Variants in FBXL20 observed in about 807,000 individuals in gnomAD.
The protein encoded by FBXL20 is F-box/LRR-repeat protein 20.
Under a neutral mutation model 64.0 loss-of-function variants are expected in FBXL20, and 11 were observed. The ratio of observed to expected loss-of-function variants is 0.17; its 90% confidence interval spans 0.11 to 0.28. The LOEUF (loss-of-function observed/expected upper bound fraction) is 0.28. Among genes scored for constraint, FBXL20 ranks in the 10% least tolerant of loss-of-function variants. FBXL20 has a pLI of 1.00. For synonymous variants in FBXL20, 184 were observed against 189.0 expected, an observed-to-expected ratio of 0.97 and a Z score of 0.22; for missense variants, 303 against 526.2, an observed-to-expected ratio of 0.58 and a Z score of 4.15.
In FBXL20 at chr17:39,281,512, A is replaced by G. The variant is rs201418919; in HGVS notation, c.622-49T>C. 27 of 1,488,914 alleles carry G rather than the reference A, an allele frequency of 1.8e-5. No homozygotes were observed. In the East Asian group the frequency reaches 5.7e-4, roughly 32 times the overall value. 92.2% of individuals were successfully genotyped at this position (1,488,914 alleles called of 1,614,324 possible). A position where few individuals can be genotyped will look rare whatever the true frequency, so the allele number is the denominator to read the frequency against. On this transcript the variant is annotated intron_variant, in intron 8 of 14. Transcript: ENST00000264658. ...AAAAATGATTATTGACATTGTCTCAAAGGAAAGAGATTTAAGAATGTACAC... is the reference window on the plus strand; with the variant it reads ...AAAAATGATTATTGACATTGTCTCAGAGGAAAGAGATTTAAGAATGTACAC...
At chr17:39,316,613 A>G (rs1421065383) in intron 2 of FBXL20, among the ~76,000 whole-genome samples, 2 of 152,354 alleles carry the variant, frequency 1.3e-5, no homozygotes, top group South Asian at 4.1e-4. Context: ...AACAAACGAG[A>G]GCAATGAATT....
rs375542830 is a variant in FBXL20 at position 39,301,415 on chromosome 17, A to T, written c.160-340T>A. 4.6e-5 allele frequency among the ~76,000 whole-genome samples: 7 copies of T among 152,060 alleles called. No individual in the cohort carries two copies. The South Asian group carries it at 8.3e-4, about 18-fold the overall frequency. On this transcript the variant is annotated intron_variant, in intron 3 of 14. Coordinates refer to ENST00000264658, the MANE Select transcript of FBXL20 (RefSeq NM_032875.3). ...AGACCAGCCTGGGCAATATAGCCAG[A>T]CCCGATCCCTATAAAAAAATTTAAA...
chr17:39,267,124 C>T (rs112239553), intron 12 of FBXL20, among the ~76,000 whole-genome samples: 15,589 of 151,912 alleles, frequency 0.1, 859 homozygotes, highest in African/African-American at 0.15. Context: ...TGGTGGCAGG[C>T]GCCTATAATC....
chr17:39,401,720 G>T, upstream of FBXL20: 1 of 1,120,784 alleles, frequency 8.9e-7, no homozygotes, highest in South Asian at 3.3e-5. Flanking sequence ...CGGAGCGCCC[G>T]GGAGGGGGAG....
At chr17:39,326,943 G>C (rs554374007) in intron 2 of FBXL20, among the ~76,000 whole-genome samples, 3 of 150,542 alleles carry the variant, frequency 2.0e-5, no homozygotes, top group Admixed American at 6.6e-5. Flanking sequence ...GTGCAGTGGA[G>C]CATCTTGGCT....
Position 39,388,986 on chromosome 17 carries a change from C to T in FBXL20, c.42+12375G>A, listed in dbSNP as rs148708520. Among the ~76,000 whole-genome samples the T allele has an allele frequency of 2.8e-4, 42 of 150,136 alleles. 1 individual carries two copies. In the East Asian group the frequency reaches 8.4e-3, roughly 30 times the overall value. On this transcript the variant is annotated intron_variant, in intron 1 of 14. Transcript: ENST00000264658. ...GGGCATGGTGGCAGGCGCCTATAAT[C>T]CCAGCTACTAGGGAGGCTGAGGCAG... is the stretch of plus-strand genomic sequence containing the variant.
chr17:39,393,967 T>C (rs552148267), intron 1 of FBXL20, among the ~76,000 whole-genome samples: 3 of 152,222 alleles, frequency 2.0e-5, no homozygotes, highest in Non-Finnish European at 2.9e-5. Context: ...AAAAATGTTT[T>C]ATATATCTAA....
At chr17:39,326,655 T>C (rs2047412178) in intron 2 of FBXL20, among the ~76,000 whole-genome samples, 1 of 151,518 alleles carries the variant, frequency 6.6e-6, no homozygotes, top group Non-Finnish European at 1.5e-5. Flanking sequence ...TCTTGCTCTG[T>C]CACCCAGGCT....
intron 1 of FBXL20, among the ~76,000 whole-genome samples, chr17:39,361,729 G>A (rs1423055789): frequency 3.3e-5 from 5 of 151,698 alleles, no homozygotes; most frequent in South Asian, 2.1e-4. Context: ...CCTGGGAGGC[G>A]GAGTTTGCAG....
At chr17:39,385,818 T>C (rs1305688388) in intron 1 of FBXL20, among the ~76,000 whole-genome samples, 2 of 149,348 alleles carry the variant, frequency 1.3e-5, no homozygotes, top group Non-Finnish European at 3.0e-5. Context: ...GATCATGAGC[T>C]CAAGAGATCG....
At chr17:39,270,142 CT>C (rs2046830716) in intron 11 of FBXL20, among the ~76,000 whole-genome samples, 2 of 152,166 alleles carry the variant, frequency 1.3e-5, no homozygotes, top group Non-Finnish European at 2.9e-5. Context: ...CATGTGTTTC[CT>C]TCAATGTTAC....
chr17:39,285,408 TA>T, intron 7 of FBXL20, 69 bp downstream of exon 7: 1 of 1,044,022 alleles, frequency 9.6e-7, no homozygotes, highest in South Asian at 1.8e-5. Flanking sequence ...ATTCCCACTT[TA>T]TATCAATTAT....
intron 5 of FBXL20, 111 bp from the exon 6 acceptor site, chr17:39,297,306 T>C: frequency 1.8e-6 from 1 of 570,504 alleles, no homozygotes; most frequent in East Asian, 3.0e-5. Flanking sequence ...ATATCTGTGA[T>C]ACTGTGATAT....
intron 1 of FBXL20, among the ~76,000 whole-genome samples, chr17:39,359,483 C>T (rs796680455): frequency 6.6e-6 from 1 of 151,962 alleles, no homozygotes; most frequent in Non-Finnish European, 1.5e-5. Context: ...ATTAGCCAGG[C>T]GTGGTAGCAC....
chr17:39,270,845 A>G lies in FBXL20; in HGVS notation c.839T>C (p.Val280Ala). Residue 280 changes from valine (V) to alanine (A), a missense_variant, in exon 11 of 15, where the codon GTG becomes GCG. Val to Ala is a moderately conservative substitution (Grantham distance 64, BLOSUM62 0). Around this residue, in one of 3 missense-constraint regions of FBXL20, gnomAD observed 246 missense variants for 422.6 expected, o/e 0.58. Coordinates refer to ENST00000264658, the MANE Select transcript of FBXL20 (RefSeq NM_032875.3). ...ATCTGTTAATTGAGAACATCTTGCCACTTCCAATATTCTGTTAAAAAAAAA... is the reference window on the plus strand; with the variant it reads ...ATCTGTTAATTGAGAACATCTTGCCGCTTCCAATATTCTGTTAAAAAAAAA... ...QNCPRLRILE[V>A]ARCSQLTDVG... 1 of 1,587,506 alleles carries G rather than the reference A, an allele frequency of 6.3e-7. No individual in the cohort carries two copies. The highest frequency in any genetic ancestry group is 1.4e-5 in the African/African-American group (1 of 72,064).
At chr17:39,314,970 G>A (rs1370422798) in intron 2 of FBXL20, among the ~76,000 whole-genome samples, 1 of 151,672 alleles carries the variant, frequency 6.6e-6, no homozygotes, top group Non-Finnish European at 1.5e-5. Context: ...GCTAATTTGT[G>A]TATTTTAGTA....
At chr17:39,293,021 G>T (rs971333726) in intron 6 of FBXL20, among the ~76,000 whole-genome samples, 1 of 151,996 alleles carries the variant, frequency 6.6e-6, no homozygotes, top group Non-Finnish European at 1.5e-5. Flanking sequence ...TCAAACTCCT[G>T]ACCTCAGGTG....
intron 2 of FBXL20, among the ~76,000 whole-genome samples, chr17:39,332,937 G>A (rs1409098989): frequency 3.3e-5 from 5 of 151,970 alleles, no homozygotes; most frequent in Non-Finnish European, 7.4e-5. Context: ...ATGGATCTAG[G>A]GGACCCCAAC....
chr17:39,361,889 G>A (rs1414695624), intron 1 of FBXL20, among the ~76,000 whole-genome samples: 1 of 151,682 alleles, frequency 6.6e-6, no homozygotes. Context: ...CCCGAGCCCC[G>A]GAGTTCAAGA....
Sources: allele counts gnomAD v4.1 joint callset (sites outside exome capture counted in the v4.1 genomes callset), GRCh38; gene constraint gnomAD v4.1.1; regional missense constraint gnomAD v4.1.1; transcripts MANE v1.5; gene names NCBI Gene and HGNC (gene_info 2026-07-23, HGNC 2026-07-21).